Variants in CXorf58 observed in about 807,000 individuals in gnomAD.
CXorf58 encodes the protein uncharacterized protein CXorf58.
In CXorf58, 24 loss-of-function variants were observed where a neutral mutation model predicts 26.0. The ratio of observed to expected loss-of-function variants is 0.92; its 90% confidence interval spans 0.67 to 1.30. CXorf58 has a LOEUF of 1.30. CXorf58 is among the 50% of genes most tolerant of loss of function. CXorf58 has a pLI of 0.00. For synonymous variants in CXorf58, 87 were observed against 86.1 expected, an observed-to-expected ratio of 1.01 and a Z score of -0.06; for missense variants, 236 against 263.9, an observed-to-expected ratio of 0.89 and a Z score of 0.73.
chrX:23,910,386 C>T lies in CXorf58; in HGVS notation c.84C>T (p.Phe28=), dbSNP rs144666555. 2.8e-5 allele frequency: 33 copies of T among 1,165,729 alleles called. No homozygotes were observed. The African/African-American group carries it at 4.1e-4, about 14-fold the overall frequency. Residue 28 remains phenylalanine (F), a synonymous_variant, in exon 2 of 9, where the codon TTC becomes TTT. Coordinates refer to ENST00000379211, the MANE Select transcript of CXorf58 (RefSeq NM_152761.3). The part of the protein sequence containing the change: ...RSLQKVRRVH[F]ANARNARSLL... The stretch of plus-strand genomic sequence containing the variant: ...TACAAAAAGTTCGCAGAGTACATTT[C>T]GCAAATGCACGAAATGCAAGATCAT...
intron 6 of CXorf58, 101 bp from the exon 7 acceptor site, chrX:23,935,095 A>T: frequency 1.7e-6 from 1 of 577,428 alleles, no homozygotes. Flanking sequence ...CGAACTCCTG[A>T]CCTCAGGTGA....
intron 3 of CXorf58, among the ~76,000 whole-genome samples, chrX:23,914,549 C>T (rs1292199453): frequency 2.7e-5 from 3 of 111,741 alleles, no homozygotes; most frequent in Non-Finnish European, 5.6e-5. Context: ...TACAAAAATT[C>T]CCTGAGCCTC....
rs1396571578 is a variant in CXorf58 at position 23,908,163 on chromosome X, T to C, written c.-187T>C. 8.6e-6 allele frequency: 1 copy of C among 116,207 alleles called. No homozygotes were observed. Among genetic ancestry groups the C allele is most frequent in the Non-Finnish European group, 1.8e-5 (1 of 55,468 alleles). The allele number at this position is 116,207 out of a possible 1,213,427, so 9.6% of individuals were successfully genotyped here. A position where few individuals can be genotyped will look rare whatever the true frequency, so the allele number is the denominator to read the frequency against. ...GGGCGCTTGGAGGGCCACCGGCGGC[T>C]TCGAAAGCTTCGCAGCCGGAAGCCG... On this transcript the variant is annotated 5_prime_UTR_variant, in exon 1 of 9. Transcript: ENST00000379211.
At chrX:23,924,186 T>C (rs1927941698) in intron 5 of CXorf58, among the ~76,000 whole-genome samples, 1 of 112,280 alleles carries the variant, frequency 8.9e-6, no homozygotes. Context: ...CTGTTCAGTG[T>C]ACAATTACTT....
chrX:23,907,932 C>T, upstream of CXorf58: 1 of 360,518 alleles, frequency 2.8e-6, no homozygotes, highest in East Asian at 4.7e-5. Flanking sequence ...AGCGGGTGAA[C>T]GCAAACCCCG....
intron 2 of CXorf58, 35 bp downstream of exon 2, chrX:23,910,453 A>G (rs2147062819): frequency 1.3e-6 from 1 of 760,474 alleles, no homozygotes; most frequent in Non-Finnish European, 2.0e-6. Context: ...GTTATCTTCC[A>G]CAACTGTACA....
chrX:23,915,083 G>A (rs1031808786), intron 3 of CXorf58, among the ~76,000 whole-genome samples: 3 of 112,629 alleles, frequency 2.7e-5, no homozygotes, highest in Non-Finnish European at 5.6e-5. Flanking sequence ...GCAGTGAGCC[G>A]AGATCATGCC....
At chrX:23,928,148 A>C (rs1417588974) in intron 6 of CXorf58, among the ~76,000 whole-genome samples, 2 of 111,190 alleles carry the variant, frequency 1.8e-5, no homozygotes, top group African/African-American at 6.6e-5. Context: ...TAGTTGCACA[A>C]CATTGTGAAT....
At chrX:23,926,011 A>T (rs111580776) in intron 5 of CXorf58, among the ~76,000 whole-genome samples, 8,951 of 107,559 alleles carry the variant, frequency 0.083, 380 homozygotes, top group South Asian at 0.16. Flanking sequence ...CTGGTCTCGA[A>T]CTCCTGACCT....
chrX:23,920,118 C>T (rs975655592), intron 5 of CXorf58, among the ~76,000 whole-genome samples: 2 of 112,397 alleles, frequency 1.8e-5, no homozygotes, highest in African/African-American at 6.5e-5. Flanking sequence ...CTGAAGCAAG[C>T]ATAGCACTGG....
chrX:23,922,143 G>A (rs992520438), intron 5 of CXorf58, among the ~76,000 whole-genome samples: 2 of 110,435 alleles, frequency 1.8e-5, no homozygotes, highest in Non-Finnish European at 3.8e-5. Flanking sequence ...GGGAGGCCGA[G>A]GCAGGCGGAT....
At chrX:23,932,821 C>T (rs1029131203) in intron 6 of CXorf58, among the ~76,000 whole-genome samples, 6 of 110,970 alleles carry the variant, frequency 5.4e-5, no homozygotes, top group African/African-American at 1.3e-4. Flanking sequence ...ATGATGAAAC[C>T]CTGTCTCTAC....
intron 5 of CXorf58, among the ~76,000 whole-genome samples, chrX:23,921,759 C>T (rs1488428852): frequency 3.6e-5 from 4 of 111,024 alleles, no homozygotes; most frequent in African/African-American, 1.3e-4. Context: ...GGCACCATCT[C>T]GCAATCTTGG....
intron 3 of CXorf58, 41 bp downstream of exon 3, chrX:23,911,897 A>C (rs1277871735): frequency 2.2e-6 from 2 of 902,215 alleles, no homozygotes; most frequent in South Asian, 4.2e-5. Context: ...GGATTTAATT[A>C]TCAAGCTAAA....
intron 5 of CXorf58, among the ~76,000 whole-genome samples, chrX:23,926,591 G>T (rs2464716): frequency 0.55 from 60,875 of 110,272 alleles, 13,546 homozygotes; most frequent in Non-Finnish European, 0.71. Context: ...TGCATTGACT[G>T]CACGAATGAT....
chrX:23,917,941 C>T (rs866408802), intron 5 of CXorf58, among the ~76,000 whole-genome samples: 2 of 111,412 alleles, frequency 1.8e-5, no homozygotes, highest in Non-Finnish European at 3.8e-5. Flanking sequence ...CCCAGGTTCA[C>T]GCCATTCTCC....
intron 6 of CXorf58, among the ~76,000 whole-genome samples, chrX:23,934,754 C>G: frequency 9.1e-6 from 1 of 110,265 alleles, no homozygotes; most frequent in Non-Finnish European, 1.9e-5. Context: ...GAACTCCCGA[C>G]CTCAAGTGAC....
chrX:23,916,334 G>A lies in CXorf58; in HGVS notation c.423+6G>A, dbSNP rs201162670. 1.6e-5 allele frequency: 16 copies of A among 1,031,223 alleles called. No homozygotes were observed. The highest frequency in any genetic ancestry group is 4.6e-5 in the Admixed American group (2 of 43,849). 85.0% of individuals were successfully genotyped at this position (1,031,223 alleles called of 1,213,427 possible). ...TATTAATGCCGTCAAGTAAGGTGAC[G>A]TTTCATGATGTACATTTTATGTTAA... is the stretch of plus-strand genomic sequence containing the variant. On this transcript the variant is annotated splice_donor_region_variant and intron_variant, in intron 5 of 8. Coordinates refer to ENST00000379211, the MANE Select transcript of CXorf58 (RefSeq NM_152761.3).
chrX:23,915,932 T>C, intron 4 of CXorf58, 138 bp downstream of exon 4: 2 of 472,524 alleles, frequency 4.2e-6, no homozygotes, highest in South Asian at 3.6e-5. Context: ...ACATTTGTTA[T>C]GTGAAGAAAC....
Sources: allele counts gnomAD v4.1 joint callset (sites outside exome capture counted in the v4.1 genomes callset), GRCh38; gene constraint gnomAD v4.1.1; transcripts MANE v1.5; gene names NCBI Gene and HGNC (gene_info 2026-07-23, HGNC 2026-07-21).